The following ARHGEF10 variants were observed in gnomAD, a reference collection of about 807,000 sequenced individuals.
ARHGEF10 encodes Rho guanine nucleotide exchange factor (GEF) 10.
ARHGEF10 carries 140 observed loss-of-function variants against 147.4 expected under a neutral mutation model. The observed-to-expected ratio is 0.95, with a 90% CI of 0.83 to 1.09. The LOEUF (loss-of-function observed/expected upper bound fraction) is 1.09, where lower values mean the gene tolerates loss of function less well. Ranked by LOEUF, ARHGEF10 falls within the 50% of genes least tolerant of loss-of-function variation. The pLI, the probability that ARHGEF10 is intolerant of heterozygous loss-of-function variation, is 0.00. For synonymous variants in ARHGEF10, 902 were observed against 695.8 expected, an observed-to-expected ratio of 1.30 and a Z score of -4.67; for missense variants, 2,222 against 1,752.7, an observed-to-expected ratio of 1.27 and a Z score of -4.78.
At chr8:1,931,598 C>T (rs1028123876) in intron 25 of ARHGEF10, among the ~76,000 whole-genome samples, 1 of 152,216 alleles carries the variant, frequency 6.6e-6, no homozygotes, top group Non-Finnish European at 1.5e-5. Flanking sequence ...TAGCCTGCCA[C>T]TTCGTTCTTG....
chr8:1,947,222 G>A (rs1360462380), intron 27 of ARHGEF10, among the ~76,000 whole-genome samples: 2 of 152,206 alleles, frequency 1.3e-5, no homozygotes, highest in Admixed American at 1.3e-4. Context: ...CACAAGGGGA[G>A]GTGAGGAGGG....
chr8:1,907,906 C>G (rs1811029620), intron 17 of ARHGEF10, among the ~76,000 whole-genome samples: 1 of 152,188 alleles, frequency 6.6e-6, no homozygotes, highest in African/African-American at 2.4e-5. Context: ...CATTAAGATT[C>G]TAAACCTCCT....
Position 1,924,497 on chromosome 8 carries a change from G to C in ARHGEF10, c.2488+623G>C, listed in dbSNP as rs75755375. On this transcript the variant is annotated intron_variant, in intron 21 of 28. Transcript: ENST00000349830. ...CATGTGTGTGTAAAATTTTCCTTCT[G>C]CTGTAGATAATCTGAAATGTTAACG... Among the ~76,000 whole-genome samples the C allele has an allele frequency of 4.9e-3, 740 of 152,298 alleles. 7 individuals are homozygous for C. The highest frequency in any genetic ancestry group is 0.017 in the African/African-American group (707 of 41,558).
intron 1 of ARHGEF10, among the ~76,000 whole-genome samples, chr8:1,830,536 A>G (rs1490366497): frequency 2.0e-5 from 3 of 152,354 alleles, no homozygotes; most frequent in South Asian, 4.1e-4. Context: ...ACCTGTGGCC[A>G]TATGACAAGC....
At position 1,925,327 on chromosome 8, in the gene ARHGEF10, A is replaced by C; in HGVS notation, c.2533A>C (p.Asn845His). Residue 845 changes from asparagine (N) to histidine (H), a missense_variant, in exon 22 of 29, where the codon AAT becomes CAT. Asn to His is a moderately conservative substitution (Grantham distance 68). Transcript: ENST00000349830. ...CTGGTTCTGTGTGGAAGACGATGGG[A>C]ATCACATTAAAAAGGAGAAGCATCC... ...MGWFCVEDDG[N>H]HIKKEKHPLL... The C allele has an allele frequency of 6.2e-7, 1 of 1,614,144 alleles. No individual in the cohort carries two copies. The highest frequency in any genetic ancestry group is 8.5e-7 in the Non-Finnish European group (1 of 1,180,034).
At chr8:1,885,282 T>C (rs545921196) in intron 10 of ARHGEF10, among the ~76,000 whole-genome samples, 22 of 152,356 alleles carry the variant, frequency 1.4e-4, no homozygotes, top group African/African-American at 5.3e-4. Context: ...AAATATTTAA[T>C]TTAGGAAATA....
chr8:1,841,179 G>A (rs1346727499), intron 1 of ARHGEF10, among the ~76,000 whole-genome samples: 1 of 152,248 alleles, frequency 6.6e-6, no homozygotes, highest in Non-Finnish European at 1.5e-5. Flanking sequence ...CTCCCAACCA[G>A]TGGTTTCTCC....
intron 4 of ARHGEF10, among the ~76,000 whole-genome samples, chr8:1,862,736 T>C (rs865968337): frequency 6.6e-6 from 1 of 152,078 alleles, no homozygotes; most frequent in Non-Finnish European, 1.5e-5. Context: ...GTAAAAGCTT[T>C]GTGGCTCTTT....
intron 18 of ARHGEF10, among the ~76,000 whole-genome samples, chr8:1,915,175 G>A (rs1362570661): frequency 7.9e-5 from 12 of 152,180 alleles, no homozygotes; most frequent in Admixed American, 7.9e-4. Context: ...TACATAGGGA[G>A]TAAAACCACA....
intron 15 of ARHGEF10, among the ~76,000 whole-genome samples, chr8:1,900,500 C>T (rs1469797027): frequency 6.6e-6 from 1 of 152,174 alleles, no homozygotes; most frequent in African/African-American, 2.4e-5. Flanking sequence ...ATCTAGTACA[C>T]TGTCCACACC....
At chr8:1,876,487 G>A in intron 7 of ARHGEF10, 84 bp from the exon 8 acceptor site, 1 of 1,386,822 alleles carries the variant, frequency 7.2e-7, no homozygotes, top group East Asian at 2.3e-5. Context: ...AGCTCTAGAT[G>A]ATTTGGTAAA....
At chr8:1,952,619 C>T (rs1815145222) in intron 27 of ARHGEF10, 86 bp from the exon 28 acceptor site, 4 of 1,562,038 alleles carry the variant, frequency 2.6e-6, no homozygotes, top group Middle Eastern at 2.2e-4. Flanking sequence ...GCACGACAGG[C>T]CTGTGGGGTT....
chr8:1,906,921 A>G (rs549807440), intron 17 of ARHGEF10, among the ~76,000 whole-genome samples: 2 of 152,316 alleles, frequency 1.3e-5, no homozygotes, highest in South Asian at 2.1e-4. Context: ...TGAGTCTTTA[A>G]TGACACTCCT....
chr8:1,841,968 A>ACCACGAGGCCAGGTG (rs2129049952), intron 1 of ARHGEF10, among the ~76,000 whole-genome samples: 2 of 58,848 alleles, frequency 3.4e-5, no homozygotes, highest in Admixed American at 3.6e-4. Context: ...CGCGACCGGA[A>ACCACGAGGCCAGGTG]CTGGGGCCGC....
At chr8:1,894,180 A>AG (rs1809777229) in intron 12 of ARHGEF10, among the ~76,000 whole-genome samples, 1 of 151,346 alleles carries the variant, frequency 6.6e-6, no homozygotes, top group Non-Finnish European at 1.5e-5. Context: ...TCAAAAAAAA[A>AG]AAAAAGAAAA....
rs114945355 is a variant in ARHGEF10 at position 1,920,164 on chromosome 8, C to T, written c.2144-2800C>T. 9.4e-3 allele frequency among the ~76,000 whole-genome samples: 1,427 copies of T among 151,712 alleles called. 25 individuals carry two copies. Among genetic ancestry groups the T allele is most frequent in the African/African-American group, 0.03 (1,237 of 41,352 alleles). On this transcript the variant is annotated intron_variant, in intron 18 of 28. Coordinates refer to ENST00000349830, the MANE Select transcript of ARHGEF10 (RefSeq NM_014629.4). ...CTGGAGTTCTCCCTCAGGCTTACTG[C>T]GGAGATGTTCACGTGCATTTATACA...
intron 6 of ARHGEF10, among the ~76,000 whole-genome samples, chr8:1,866,821 G>T (rs892038626): frequency 6.6e-6 from 1 of 152,172 alleles, no homozygotes; most frequent in South Asian, 2.1e-4. Flanking sequence ...CCACGTCCAC[G>T]CACTCACTCT....
intron 1 of ARHGEF10, among the ~76,000 whole-genome samples, chr8:1,832,332 ACAGAGG>A (rs1474272632): frequency 6.6e-6 from 1 of 151,634 alleles, no homozygotes; most frequent in Non-Finnish European, 1.5e-5. Flanking sequence ...AGAGACAGAG[ACAGAGG>A]GAGAGAGAGA....
chr8:1,917,321 C>G (rs1361604736), intron 18 of ARHGEF10, among the ~76,000 whole-genome samples: 2 of 152,200 alleles, frequency 1.3e-5, no homozygotes, highest in African/African-American at 4.8e-5. Flanking sequence ...CAGTTTTGTA[C>G]ATTTGCCTTA....
Sources: allele counts gnomAD v4.1 joint callset (sites outside exome capture counted in the v4.1 genomes callset), GRCh38; gene constraint gnomAD v4.1.1; transcripts MANE v1.5; gene names NCBI Gene and HGNC (gene_info 2026-07-23, HGNC 2026-07-21).